Variants in SPRY3 observed in about 807,000 individuals in gnomAD.
SPRY3 encodes protein sprouty homolog 3.
In SPRY3, 15 loss-of-function variants were observed where a neutral mutation model predicts 20.2. The observed-to-expected ratio is 0.74, with a 90% CI of 0.50 to 1.14. The LOEUF (loss-of-function observed/expected upper bound fraction) is 1.14. Ranked by LOEUF, SPRY3 falls within the 50% of genes most tolerant of loss-of-function variation. SPRY3 has a pLI of 0.00. For synonymous variants in SPRY3, 143 were observed against 136.5 expected (o/e 1.05, Z -0.33); for missense variants, 364 against 363.9 (o/e 1.00, Z 0.00).
intron 1 of SPRY3, among the ~76,000 whole-genome samples, chrX:155,654,686 G>GGTGTGTGTGT (rs3067500): frequency 1.2e-5 from 1 of 85,944 alleles, no homozygotes; most frequent in African/African-American, 4.3e-5. Context: ...AGTATTCCAT[G>GGTGTGTGTGT]GTGTGTGTGT....
intron 2 of SPRY3, among the ~76,000 whole-genome samples, chrX:155,692,321 C>A (rs2068105605): frequency 9.0e-6 from 1 of 110,881 alleles, no homozygotes. Context: ...ACATTTTACT[C>A]CATTGAATTG....
intron 2 of SPRY3, among the ~76,000 whole-genome samples, chrX:155,729,032 A>G (rs1422254072): frequency 6.6e-6 from 1 of 152,160 alleles, no homozygotes; most frequent in Non-Finnish European, 1.5e-5. Context: ...ACAATTTTAA[A>G]TATATACACA....
At chrX:155,618,578 G>T (rs781947364) in intron 1 of SPRY3, among the ~76,000 whole-genome samples, 2 of 111,387 alleles carry the variant, frequency 1.8e-5, no homozygotes, top group Non-Finnish European at 3.8e-5. Flanking sequence ...TATGCTATTT[G>T]CATATTTAAT....
At position 155,734,139 on chromosome X, in the gene SPRY3, C is replaced by T. The variant is rs183370420; in HGVS notation, c.-281-33823C>T. 2.0e-5 allele frequency among the ~76,000 whole-genome samples: 3 copies of T among 152,226 alleles called. No individual in the cohort carries two copies. The East Asian group carries it at 5.8e-4, about 29-fold the overall frequency. ...AACTTGGCCGGTTGGCACAAAAAGCCTAGCTTTCAGCCTGTCCTGCCTTCC... is the reference window on the plus strand; with the variant it reads ...AACTTGGCCGGTTGGCACAAAAAGCTTAGCTTTCAGCCTGTCCTGCCTTCC... On this transcript the variant is annotated intron_variant, in intron 2 of 3. Transcript: ENST00000675360.
intron 1 of SPRY3, among the ~76,000 whole-genome samples, chrX:155,628,491 A>T (rs2067895159): frequency 8.9e-6 from 1 of 112,340 alleles, no homozygotes; most frequent in Non-Finnish European, 1.9e-5. Context: ...TTACAAGAAA[A>T]AAATAAAAAA....
chrX:155,650,056 T>C (rs1227658364), intron 1 of SPRY3, among the ~76,000 whole-genome samples: 1 of 111,275 alleles, frequency 9.0e-6, no homozygotes, highest in African/African-American at 3.3e-5. Context: ...TTACAGGGGA[T>C]GTGAAGGACC....
intron 2 of SPRY3, among the ~76,000 whole-genome samples, chrX:155,750,142 G>C (rs767782832): frequency 8.4e-4 from 127 of 151,982 alleles, no homozygotes; most frequent in African/African-American, 3.0e-3. Flanking sequence ...CATGGATGCA[G>C]CTAGAAGCCA....
chrX:155,655,370 A>G (rs782806130), intron 1 of SPRY3, among the ~76,000 whole-genome samples: 1 of 110,557 alleles, frequency 9.0e-6, no homozygotes, highest in Non-Finnish European at 1.9e-5. Context: ...TTTCATTCCC[A>G]TTTGTCTATT....
intron 1 of SPRY3, among the ~76,000 whole-genome samples, chrX:155,645,509 T>A (rs189541796): frequency 2.2e-3 from 192 of 86,263 alleles, no homozygotes; most frequent in African/African-American, 7.1e-3. Context: ...GGGTGATTCC[T>A]TTCTAGCTAG....
chrX:155,657,781 T>C (rs1244475214), intron 2 of SPRY3, among the ~76,000 whole-genome samples: 8 of 111,928 alleles, frequency 7.1e-5, no homozygotes, highest in Non-Finnish European at 1.3e-4. Flanking sequence ...GGTCTGCAGA[T>C]TGCAAAAACC....
downstream of SPRY3, chrX:155,777,076 T>C (rs2091431887): frequency 6.0e-6 from 1 of 167,080 alleles, no homozygotes; most frequent in South Asian, 2.1e-4. Flanking sequence ...TAAGTAACTT[T>C]TTAATCTTAC....
intron 2 of SPRY3, among the ~76,000 whole-genome samples, chrX:155,680,510 T>C (rs1361806763): frequency 9.0e-6 from 1 of 110,864 alleles, no homozygotes; most frequent in Non-Finnish European, 1.9e-5. Flanking sequence ...GCTGATGGGA[T>C]GGATGGCAGG....
At chrX:155,617,522 G>C (rs1054732473) in intron 1 of SPRY3, among the ~76,000 whole-genome samples, 1 of 111,761 alleles carries the variant, frequency 8.9e-6, no homozygotes, top group African/African-American at 3.3e-5. Context: ...TCTGATCCCA[G>C]CATCAAGAGC....
intron 2 of SPRY3, among the ~76,000 whole-genome samples, chrX:155,747,716 G>A (rs191909943): frequency 6.6e-6 from 1 of 152,074 alleles, no homozygotes; most frequent in East Asian, 1.9e-4. Context: ...CCAGGTCCTT[G>A]GCTTAAAGGC....
chrX:155,765,573 T>A (rs1304730147), intron 2 of SPRY3, among the ~76,000 whole-genome samples: 5 of 152,132 alleles, frequency 3.3e-5, no homozygotes, highest in Admixed American at 6.5e-5. Context: ...CTTTAGTGAG[T>A]GGCCCATAGC....
At position 155,649,468 on chromosome X, in the gene SPRY3, C is replaced by T. The variant is rs184704383; in HGVS notation, c.-440-7399C>T. Among the ~76,000 whole-genome samples, 166 of 111,522 alleles carry T rather than the reference C, an allele frequency of 1.5e-3. 1 individual carries two copies. Among genetic ancestry groups the T allele is most frequent in the African/African-American group, 4.7e-3 (146 of 30,747 alleles). ...TGGGATGCAAGACTAGTTCAACATA[C>T]GCAAATCAATAAATGTAATCCATCA... On this transcript the variant is annotated intron_variant, in intron 1 of 3. Coordinates refer to ENST00000675360, the Ensembl canonical transcript of SPRY3.
chrX:155,674,835 G>A (rs1172853563), intron 2 of SPRY3, among the ~76,000 whole-genome samples: 2 of 110,944 alleles, frequency 1.8e-5, no homozygotes, highest in African/African-American at 6.6e-5. Context: ...CTCCATCTAT[G>A]TCCAACTCAT....
intron 3 of SPRY3, 148 bp from the exon 3 acceptor site, chrX:155,773,618 G>A: frequency 1.8e-6 from 1 of 541,812 alleles, no homozygotes. Flanking sequence ...AAGTAAGTGA[G>A]GTTAATTACA....
At chrX:155,735,897 T>A (rs1483757415) in intron 2 of SPRY3, among the ~76,000 whole-genome samples, 1 of 151,972 alleles carries the variant, frequency 6.6e-6, no homozygotes, top group Non-Finnish European at 1.5e-5. Flanking sequence ...TATCTTCCAC[T>A]CTTTTTTTTT....
Sources: allele counts gnomAD v4.1 joint callset (sites outside exome capture counted in the v4.1 genomes callset), GRCh38; gene constraint gnomAD v4.1.1; transcripts MANE v1.5; gene names NCBI Gene and HGNC (gene_info 2026-07-23, HGNC 2026-07-21).